Variants in PPARGC1A observed in about 807,000 individuals in gnomAD.
PPARGC1A encodes PPARG coactivator 1 alpha.
A neutral mutation model predicts 88.7 loss-of-function variants in PPARGC1A; 25 were observed. That is an observed-to-expected ratio of 0.28 (90% CI 0.21 to 0.39). The LOEUF (loss-of-function observed/expected upper bound fraction) is 0.39. Ranked by LOEUF, PPARGC1A falls within the 10% of genes least tolerant of loss-of-function variation. PPARGC1A has a pLI of 1.00. For synonymous variants in PPARGC1A, 363 were observed against 355.6 expected (o/e 1.02, Z -0.24); for missense variants, 880 against 968.7 (o/e 0.91, Z 1.22).
At chr4:23,976,277 TGTAGGCTTGGGACCCTGAAGAGGAGTA>T in the PPARGC1A span, among the ~76,000 whole-genome samples, 2 of 152,294 alleles carry the variant, frequency 1.3e-5, no homozygotes, top group East Asian at 3.9e-4. Context: ...CCAACAGTTC[TGTAGGCTTGGGACCCTGAAGAGGAGTA>T]GAGCTGATCT....
chr4:23,801,776 G>A lies in PPARGC1A; in HGVS notation c.2247C>T (p.Tyr749=), dbSNP rs1435022167. Residue 749 remains tyrosine (Y), a synonymous_variant, in exon 12 of 13, where the codon TAC becomes TAT. Coordinates refer to ENST00000264867, the MANE Select transcript of PPARGC1A (RefSeq NM_013261.5). The part of the protein sequence containing the change: ...RRSNETDFEL[Y]FCGRKQFFKS... Reference sequence around the variant, plus strand: ...TGAAAAATTGCTTGCGTCCACAAAAGTACAGCTCAAAGTCAGTTTCGTTTG... The same window carrying A: ...TGAAAAATTGCTTGCGTCCACAAAAATACAGCTCAAAGTCAGTTTCGTTTG... 4 of 1,614,022 alleles carry A rather than the reference G, an allele frequency of 2.5e-6. No homozygotes were observed. Among genetic ancestry groups the A allele is most frequent in the Non-Finnish European group, 2.5e-6 (3 of 1,179,962 alleles).
chr4:24,030,931 G>A, the PPARGC1A span, among the ~76,000 whole-genome samples: 24,083 of 152,120 alleles, frequency 0.16, 1,981 homozygotes, highest in South Asian at 0.21. Context: ...CAGGATGCAG[G>A]AAGCAATTAA....
chr4:24,098,785 G>A, the PPARGC1A span, among the ~76,000 whole-genome samples: 1 of 152,194 alleles, frequency 6.6e-6, no homozygotes, highest in Non-Finnish European at 1.5e-5. Context: ...GAAATCAGAT[G>A]ACTTCATCCA....
At chr4:24,275,178 C>T in the PPARGC1A span, among the ~76,000 whole-genome samples, 1 of 151,216 alleles carries the variant, frequency 6.6e-6, no homozygotes, top group Non-Finnish European at 1.5e-5. Context: ...TATTATCAAT[C>T]TTTTGTCTGT....
At chr4:24,127,672 C>A in the PPARGC1A span, among the ~76,000 whole-genome samples, 1 of 152,042 alleles carries the variant, frequency 6.6e-6, no homozygotes, top group African/African-American at 2.4e-5. Context: ...GAGTAAATTT[C>A]CACAATCAAG....
chr4:23,974,243 A>G, the PPARGC1A span, among the ~76,000 whole-genome samples: 4 of 152,180 alleles, frequency 2.6e-5, no homozygotes, highest in Non-Finnish European at 5.9e-5. Context: ...TCCGCAAACC[A>G]TCTGTGACAA....
At chr4:24,022,707 C>T in the PPARGC1A span, among the ~76,000 whole-genome samples, 3,575 of 152,262 alleles carry the variant, frequency 0.023, 135 homozygotes, top group African/African-American at 0.082. Flanking sequence ...GCCAGAGTCC[C>T]GGGCAATAAG....
At chr4:24,114,260 G>C in the PPARGC1A span, among the ~76,000 whole-genome samples, 1 of 152,168 alleles carries the variant, frequency 6.6e-6, no homozygotes, top group East Asian at 1.9e-4. Flanking sequence ...ACCACTGTTA[G>C]CTGGGCATTC....
chr4:24,339,925 G>A, the PPARGC1A span, among the ~76,000 whole-genome samples: 4 of 151,960 alleles, frequency 2.6e-5, no homozygotes, highest in Non-Finnish European at 5.9e-5. Flanking sequence ...TTTTAGTAGA[G>A]GCAGGGTTTC....
At chr4:24,030,009 G>A in the PPARGC1A span, among the ~76,000 whole-genome samples, 2 of 152,148 alleles carry the variant, frequency 1.3e-5, no homozygotes, top group African/African-American at 4.8e-5. Context: ...GCAACAATCA[G>A]CCCCCATGCA....
the PPARGC1A span, among the ~76,000 whole-genome samples, chr4:24,094,354 C>T: frequency 6.6e-6 from 1 of 152,190 alleles, no homozygotes; most frequent in African/African-American, 2.4e-5. Flanking sequence ...AGATCCCAGG[C>T]ATTGGGTAGT....
the PPARGC1A span, among the ~76,000 whole-genome samples, chr4:24,123,926 C>A: frequency 0.079 from 9,457 of 119,420 alleles, 395 homozygotes; most frequent in African/African-American, 0.11. Flanking sequence ...AAAAAAAAAA[C>A]AAAAAAAACA....
chr4:24,103,397 C>G, the PPARGC1A span, among the ~76,000 whole-genome samples: 1 of 151,250 alleles, frequency 6.6e-6, no homozygotes. Flanking sequence ...GAGATCCACC[C>G]AAAACGAATG....
chr4:23,863,149 C>T (rs939940359), intron 2 of PPARGC1A, among the ~76,000 whole-genome samples: 2 of 152,046 alleles, frequency 1.3e-5, no homozygotes, highest in African/African-American at 4.8e-5. Context: ...ATCCTTCCTT[C>T]GGGAAGTCTG....
chr4:24,444,327 C>T, the PPARGC1A span, among the ~76,000 whole-genome samples: 1 of 152,120 alleles, frequency 6.6e-6, no homozygotes, highest in Admixed American at 6.5e-5. Context: ...GCCACTGCAC[C>T]CTGCCCCATC....
chr4:24,451,780 G>A, the PPARGC1A span, among the ~76,000 whole-genome samples: 7 of 152,236 alleles, frequency 4.6e-5, no homozygotes, highest in South Asian at 2.1e-4. Context: ...GTTTCACCAC[G>A]TTGGCCAGGA....
the PPARGC1A span, among the ~76,000 whole-genome samples, chr4:24,273,905 T>G: frequency 6.6e-6 from 1 of 151,482 alleles, no homozygotes; most frequent in African/African-American, 2.4e-5. Flanking sequence ...TAATTTTTTT[T>G]TTTAATGTAT....
chr4:24,412,810 C>G, the PPARGC1A span, among the ~76,000 whole-genome samples: 5 of 152,290 alleles, frequency 3.3e-5, no homozygotes, highest in East Asian at 9.7e-4. Flanking sequence ...ACAGCCACAC[C>G]CACCATTTAC....
At chr4:24,122,763 G>A in the PPARGC1A span, among the ~76,000 whole-genome samples, 2 of 152,106 alleles carry the variant, frequency 1.3e-5, no homozygotes, top group Non-Finnish European at 2.9e-5. Context: ...TCTTCAAGGA[G>A]GTGACTGAAT....
Sources: gnomAD v4.1 joint callset for allele counts (sites outside exome capture counted in the v4.1 genomes callset) on GRCh38, gnomAD v4.1.1 for gene constraint, MANE v1.5 for transcripts, NCBI Gene and HGNC (gene_info 2026-07-23, HGNC 2026-07-21) for gene names.